Variants in CADM2 observed in about 807,000 individuals in gnomAD.
CADM2 encodes cell adhesion molecule 2.
Under a neutral mutation model 49.8 loss-of-function variants are expected in CADM2, and 12 were observed. That is an observed-to-expected ratio of 0.24 (90% confidence interval 0.15 to 0.39). The LOEUF is 0.39. Ranked by LOEUF, CADM2 falls within the 10% of genes least tolerant of loss-of-function variation. The pLI is 1.00. For synonymous variants in CADM2, 214 were observed against 175.4 expected (o/e 1.22, Z -1.74); for missense variants, 378 against 492.3 (o/e 0.77, Z 2.20).
chr3:85,628,592 C>CATATATATACATATATAT, intron 1 of CADM2, among the ~76,000 whole-genome samples: 2 of 101,790 alleles, frequency 2.0e-5, no homozygotes, highest in Admixed American at 2.2e-4. Flanking sequence ...CATATATATA[C>CATATATATACATATATAT]ATATATACAC....
intron 1 of CADM2, among the ~76,000 whole-genome samples, chr3:85,246,540 A>C (rs2042651310): frequency 6.6e-6 from 1 of 152,124 alleles, no homozygotes; most frequent in Admixed American, 6.5e-5. Context: ...ACAAGTTAAA[A>C]TGAGGGTTAT....
At chr3:85,206,071 C>T (rs550435736) in intron 1 of CADM2, among the ~76,000 whole-genome samples, 69 of 151,976 alleles carry the variant, frequency 4.5e-4, no homozygotes, top group Middle Eastern at 3.4e-3. Context: ...AAAGAAGTTC[C>T]GGATGTTAAG....
In CADM2 at chr3:85,102,650, T is replaced by C. The variant is rs934857224; in HGVS notation, c.61+142982T>C. 4.6e-5 allele frequency among the ~76,000 whole-genome samples: 7 copies of C among 152,304 alleles called. No individual in the cohort carries two copies. In the East Asian group the frequency reaches 1.2e-3, roughly 25 times the overall value. On this transcript the variant is annotated intron_variant, in intron 1 of 9. Coordinates refer to ENST00000383699, the MANE Select transcript of CADM2 (RefSeq NM_001167675.2). ...AACATGCTGATTTCTCACACTGACT[T>C]AGGAAAAGCACCTAAGCCTCAAAAA...
At chr3:85,075,229 T>G (rs185540952) in intron 1 of CADM2, among the ~76,000 whole-genome samples, 2 of 151,968 alleles carry the variant, frequency 1.3e-5, no homozygotes, top group Admixed American at 6.6e-5. Flanking sequence ...TTTTTTTGTT[T>G]TTTTTTTTTA....
chr3:86,065,028 C>T (rs114900816), intron 8 of CADM2, among the ~76,000 whole-genome samples: 165 of 152,276 alleles, frequency 1.1e-3, no homozygotes, highest in African/African-American at 3.9e-3. Flanking sequence ...TCTGAATGTT[C>T]TCTCCTTTTC....
chr3:85,819,602 G>A (rs539714795), intron 3 of CADM2, among the ~76,000 whole-genome samples: 1 of 152,042 alleles, frequency 6.6e-6, no homozygotes, highest in Non-Finnish European at 1.5e-5. Flanking sequence ...GGTAGAGAAG[G>A]TGTCATCAAG....
chr3:85,750,495 A>T (rs2107857367), intron 2 of CADM2, among the ~76,000 whole-genome samples: 1 of 152,258 alleles, frequency 6.6e-6, no homozygotes, highest in South Asian at 2.1e-4. Flanking sequence ...AATGAAGAAC[A>T]CTTTGAGATA....
intron 1 of CADM2, among the ~76,000 whole-genome samples, chr3:85,175,067 CAAT>C (rs1478911820): frequency 2.0e-5 from 3 of 152,010 alleles, no homozygotes; most frequent in African/African-American, 7.2e-5. Flanking sequence ...AACAAAACCA[CAAT>C]GAGATAATAC....
intron 1 of CADM2, among the ~76,000 whole-genome samples, chr3:85,358,754 T>C (rs9833972): frequency 0.93 from 141,262 of 152,186 alleles, 65,839 homozygotes; most frequent in Non-Finnish European, 0.97. Context: ...GTATTCACTG[T>C]GTACTGTTAA....
chr3:86,034,485 T>A (rs534474361), intron 8 of CADM2, among the ~76,000 whole-genome samples: 1 of 152,158 alleles, frequency 6.6e-6, no homozygotes, highest in Admixed American at 6.6e-5. Flanking sequence ...ACTAACTCTG[T>A]GAGCACCTTG....
chr3:85,742,402 T>C (rs17023248), intron 2 of CADM2, among the ~76,000 whole-genome samples: 5,530 of 152,304 alleles, frequency 0.036, 314 homozygotes, highest in African/African-American at 0.13. Flanking sequence ...GGTCACTCAC[T>C]GTCATGATCT....
At chr3:85,015,159 G>A (rs887900626) in intron 1 of CADM2, among the ~76,000 whole-genome samples, 1 of 152,036 alleles carries the variant, frequency 6.6e-6, no homozygotes, top group East Asian at 1.9e-4. Flanking sequence ...ATATGGGTAT[G>A]TGTATATATA....
intron 3 of CADM2, among the ~76,000 whole-genome samples, chr3:85,865,304 G>T (rs1286938167): frequency 2.0e-5 from 3 of 152,180 alleles, no homozygotes; most frequent in African/African-American, 7.2e-5. Flanking sequence ...AAGCAGACCT[G>T]TAGTTTTCAT....
intron 8 of CADM2, among the ~76,000 whole-genome samples, chr3:86,035,186 T>C (rs571245054): frequency 1.1e-4 from 17 of 152,180 alleles, no homozygotes; most frequent in Admixed American, 5.9e-4. Flanking sequence ...TGTGTTGTTT[T>C]CTGAGCTCCC....
chr3:85,223,608 TA>T (rs1244220785), intron 1 of CADM2, among the ~76,000 whole-genome samples: 7 of 152,174 alleles, frequency 4.6e-5, no homozygotes, highest in African/African-American at 1.7e-4. Context: ...TTTTATTTTT[TA>T]TTTTTTTATT....
chr3:85,637,449 A>G (rs999011389), intron 1 of CADM2, among the ~76,000 whole-genome samples: 27 of 147,688 alleles, frequency 1.8e-4, no homozygotes, highest in African/African-American at 6.5e-4. Context: ...AAAAATATAA[A>G]AAATTAGCTG....
At chr3:85,228,205 A>T (rs558605075) in intron 1 of CADM2, among the ~76,000 whole-genome samples, 2 of 152,056 alleles carry the variant, frequency 1.3e-5, no homozygotes, top group East Asian at 3.9e-4. Context: ...CCTGGATAAT[A>T]TTCTGTACAG....
chr3:85,405,372 A>G (rs973620833), intron 1 of CADM2, among the ~76,000 whole-genome samples: 13 of 152,086 alleles, frequency 8.5e-5, no homozygotes, highest in African/African-American at 2.4e-4. Context: ...TTTTATCCTT[A>G]CCATAGCTAT....
intron 1 of CADM2, among the ~76,000 whole-genome samples, chr3:85,301,851 A>G (rs955339232): frequency 2.0e-5 from 3 of 152,094 alleles, no homozygotes; most frequent in Non-Finnish European, 4.4e-5. Flanking sequence ...ATGACTCTCC[A>G]TATAGTACAA....
Sources: gnomAD v4.1 joint callset for allele counts (sites outside exome capture counted in the v4.1 genomes callset) on GRCh38, gnomAD v4.1.1 for gene constraint, MANE v1.5 for transcripts, NCBI Gene and HGNC (gene_info 2026-07-23, HGNC 2026-07-21) for gene names.